The following RALYL variants were observed in gnomAD, a reference collection of about 807,000 sequenced individuals.
RALYL encodes RALY RNA binding protein like.
Under a neutral mutation model 35.1 loss-of-function variants are expected in RALYL, and 29 were observed. The ratio of observed to expected loss-of-function variants is 0.83; its 90% confidence interval spans 0.61 to 1.13. The LOEUF is 1.13. RALYL is among the 50% of genes most tolerant of loss of function. RALYL has a pLI of 0.00. For missense variants in RALYL, 359 were observed against 360.4 expected, an observed-to-expected ratio of 1.00 and a Z score of 0.03; for synonymous variants, 120 against 127.6, an observed-to-expected ratio of 0.94 and a Z score of 0.40.
chr8:84,911,552 A>C (rs6992900), intron 8 of RALYL, among the ~76,000 whole-genome samples: 22,225 of 152,068 alleles, frequency 0.15, 3,731 homozygotes, highest in African/African-American at 0.41. Flanking sequence ...TTTCCCCACA[A>C]AGCAAGCTAT....
chr8:84,715,258 G>C (rs1301729185), intron 2 of RALYL, among the ~76,000 whole-genome samples: 3 of 151,722 alleles, frequency 2.0e-5, no homozygotes, highest in Non-Finnish European at 2.9e-5. Context: ...TGTTATAGAT[G>C]ACTAATGTAA....
chr8:84,469,279 T>C (rs1406707942), intron 1 of RALYL, among the ~76,000 whole-genome samples: 1 of 152,088 alleles, frequency 6.6e-6, no homozygotes, highest in Non-Finnish European at 1.5e-5. Flanking sequence ...TGGTTTTATC[T>C]ACTTTTGGTC....
chr8:84,290,018 T>A (rs73304867), intron 1 of RALYL, among the ~76,000 whole-genome samples: 7,054 of 152,278 alleles, frequency 0.046, 264 homozygotes, highest in African/African-American at 0.083. Context: ...CCAAAGGAAT[T>A]GCTATATCTT....
intron 1 of RALYL, among the ~76,000 whole-genome samples, chr8:84,300,781 G>A (rs78532931): frequency 0.037 from 5,548 of 151,822 alleles, 134 homozygotes; most frequent in East Asian, 0.13. Flanking sequence ...TTTTATCTTT[G>A]CTTTGACCCT....
chr8:84,478,829 G>C (rs920192819), intron 1 of RALYL, among the ~76,000 whole-genome samples: 1 of 151,324 alleles, frequency 6.6e-6, no homozygotes, highest in Non-Finnish European at 1.5e-5. Flanking sequence ...GCTCACGCCT[G>C]TAATCCCAGC....
intron 1 of RALYL, among the ~76,000 whole-genome samples, chr8:84,275,731 G>A (rs75356661): frequency 2.6e-5 from 4 of 151,668 alleles, no homozygotes; most frequent in African/African-American, 9.7e-5. Context: ...CTTTCTACTC[G>A]GTGAGATCAA....
chr8:84,636,515 G>A (rs568231145), intron 2 of RALYL, among the ~76,000 whole-genome samples: 42 of 151,920 alleles, frequency 2.8e-4, no homozygotes, highest in African/African-American at 9.6e-4. Context: ...TCTTGATACT[G>A]TCAGCTGAGT....
In RALYL at chr8:84,449,470, T is replaced by C. The variant is rs148417429; in HGVS notation, c.-23-79829T>C. On this transcript the variant is annotated intron_variant, in intron 1 of 8. Coordinates refer to ENST00000521268, the MANE Select transcript of RALYL (RefSeq NM_173848.7). The stretch of plus-strand genomic sequence containing the variant: ...CTTCCACCTTAAGTGTCCCTGTATG[T>C]TGTTTGACTAAATCTAGGGGCTGAA... Among the ~76,000 whole-genome samples the C allele has an allele frequency of 3.1e-3, 474 of 152,146 alleles. 1 individual carries two copies. The highest frequency in any genetic ancestry group is 7.7e-3 in the South Asian group (37 of 4,830).
intron 1 of RALYL, among the ~76,000 whole-genome samples, chr8:84,389,087 T>G (rs1859963300): frequency 6.6e-6 from 1 of 152,188 alleles, no homozygotes; most frequent in Admixed American, 6.6e-5. Flanking sequence ...CAGCACCATT[T>G]ATTAAATAGG....
At chr8:84,313,781 C>T (rs1042205016) in intron 1 of RALYL, among the ~76,000 whole-genome samples, 1 of 152,184 alleles carries the variant, frequency 6.6e-6, no homozygotes, top group Non-Finnish European at 1.5e-5. Flanking sequence ...AACCATTCAA[C>T]AAGTCTCTAG....
intron 2 of RALYL, among the ~76,000 whole-genome samples, chr8:84,696,637 T>C (rs891699496): frequency 1.4e-4 from 21 of 152,058 alleles, no homozygotes; most frequent in African/African-American, 3.6e-4. Flanking sequence ...AGATTTTGTG[T>C]TTGCCAAACT....
chr8:84,208,277 A>C (rs1302537476), intron 1 of RALYL, among the ~76,000 whole-genome samples: 1 of 152,150 alleles, frequency 6.6e-6, no homozygotes, highest in African/African-American at 2.4e-5. Context: ...AAATTTTTTA[A>C]TTTCATTGAC....
intron 2 of RALYL, among the ~76,000 whole-genome samples, chr8:84,572,474 G>A (rs1808246578): frequency 6.6e-6 from 1 of 151,702 alleles, no homozygotes; most frequent in Non-Finnish European, 1.5e-5. Context: ...AGTATTTCTT[G>A]TAGGGTTGAT....
chr8:84,369,888 T>C (rs1855334719), intron 1 of RALYL, among the ~76,000 whole-genome samples: 1 of 152,106 alleles, frequency 6.6e-6, no homozygotes, highest in Non-Finnish European at 1.5e-5. Flanking sequence ...ATATAATGAA[T>C]TAAAACAGAA....
intron 1 of RALYL, among the ~76,000 whole-genome samples, chr8:84,423,973 G>T (rs1306017875): frequency 2.0e-5 from 3 of 151,572 alleles, no homozygotes; most frequent in East Asian, 1.9e-4. Context: ...CTCTCTGGCT[G>T]CCCTTAACAT....
intron 1 of RALYL, among the ~76,000 whole-genome samples, chr8:84,345,099 C>CT (rs762172839): frequency 0.054 from 7,400 of 136,046 alleles, 278 homozygotes; most frequent in African/African-American, 0.094. Flanking sequence ...CTTTCTTTCT[C>CT]TTTTTTTTTT....
At chr8:84,835,502 TAAAAAAAAA>T (rs35745516) in intron 4 of RALYL, among the ~76,000 whole-genome samples, 1 of 96,322 alleles carries the variant, frequency 1.0e-5, no homozygotes, top group East Asian at 2.9e-4. Context: ...CTGTCTCTAC[TAAAAAAAAA>T]AAAAAAAAAA....
At chr8:84,453,467 A>G (rs796292060) in intron 1 of RALYL, among the ~76,000 whole-genome samples, 73 of 152,104 alleles carry the variant, frequency 4.8e-4, no homozygotes, top group African/African-American at 1.6e-3. Context: ...CAAATCAAGA[A>G]CACATTTTAG....
rs545901604 is a variant in RALYL, at chr8:84,853,151, C to G, written c.413+3124C>G. Among the ~76,000 whole-genome samples, 5 of 152,242 alleles carry G rather than the reference C, an allele frequency of 3.3e-5. No homozygotes were observed. The South Asian group carries it at 1.0e-3, about 32-fold the overall frequency. On this transcript the variant is annotated intron_variant, in intron 5 of 8. Transcript: ENST00000521268. ...TAGGAGCTAGGAATAAATACCTAAC[C>G]TCCTGGGAATGCAGCCCAGCAAGTC...
Sources: allele counts gnomAD v4.1 joint callset (sites outside exome capture counted in the v4.1 genomes callset), GRCh38; gene constraint gnomAD v4.1.1; transcripts MANE v1.5; gene names NCBI Gene and HGNC (gene_info 2026-07-23, HGNC 2026-07-21).